The following CCAR1 variants were observed in gnomAD, a reference collection of about 807,000 sequenced individuals.
CCAR1 encodes cell division cycle and apoptosis regulator protein 1.
CCAR1 carries 78 observed loss-of-function variants against 163.8 expected under a neutral mutation model. That is an observed-to-expected ratio of 0.48 (90% confidence interval 0.40 to 0.57). CCAR1 has a LOEUF of 0.57. Among genes scored for constraint, CCAR1 ranks in the 20% least tolerant of loss-of-function variants. The probability of loss-of-function intolerance (pLI) is 0.00; values close to 1 mark genes in which losing one functional copy is unlikely to be tolerated. For missense variants in CCAR1, 1,019 were observed against 1,365.2 expected (o/e 0.75, Z 4.00); for synonymous variants, 443 against 460.7 (o/e 0.96, Z 0.49).
intron 21 of CCAR1, 138 bp from the exon 22 acceptor site, chr10:68,787,788 TC>T (rs2056812145): frequency 1.4e-6 from 1 of 702,916 alleles, no homozygotes; most frequent in Admixed American, 3.2e-5. Context: ...TGAGTCGAGA[TC>T]ACACCACTGC....
At chr10:68,757,436 A>G (rs2056409080) in intron 15 of CCAR1, 59 bp downstream of exon 15, 2 of 948,798 alleles carry the variant, frequency 2.1e-6, no homozygotes, top group Admixed American at 1.8e-5. Flanking sequence ...TCTTTCTGAG[A>G]TGGAGTCTCG....
chr10:68,773,983 C>T (rs2056633073), intron 19 of CCAR1, among the ~76,000 whole-genome samples: 1 of 151,400 alleles, frequency 6.6e-6, no homozygotes, highest in Non-Finnish European at 1.5e-5. Flanking sequence ...ACCTCCGCCT[C>T]CCGGGTTCAA....
At chr10:68,784,552 A>C (rs926745645) in intron 19 of CCAR1, among the ~76,000 whole-genome samples, 5 of 152,142 alleles carry the variant, frequency 3.3e-5, no homozygotes, top group African/African-American at 1.2e-4. Flanking sequence ...TGTGGGTCAG[A>C]TGCTATCAAA....
At chr10:68,733,641 TATA>T (rs996737445) in intron 2 of CCAR1, among the ~76,000 whole-genome samples, 1 of 152,028 alleles carries the variant, frequency 6.6e-6, no homozygotes, top group Non-Finnish European at 1.5e-5. Flanking sequence ...CCATCTCTAT[TATA>T]ATAAGAATTT....
intron 6 of CCAR1, among the ~76,000 whole-genome samples, chr10:68,743,395 A>T (rs189463188): frequency 2.0e-4 from 30 of 151,060 alleles, no homozygotes; most frequent in African/African-American, 7.0e-4. Flanking sequence ...CGAACTCCCG[A>T]CCTCACGATC....
Position 68,749,656 on chromosome 10 carries a change from A to G in CCAR1, c.1089A>G (p.Thr363=), listed in dbSNP as rs756315209. 11 of 1,610,430 alleles carry G rather than the reference A, an allele frequency of 6.8e-6. No homozygotes were observed. The highest frequency in any genetic ancestry group is 6.7e-5 in the East Asian group (3 of 44,816). The change falls in exon 10 of 25, where the codon ACA becomes ACG. Residue 363 remains threonine, a synonymous_variant. Coordinates refer to ENST00000265872, the MANE Select transcript of CCAR1 (RefSeq NM_018237.4). The part of the protein sequence containing the change: ...RRVRRVVPRY[T]VQFSKFSLDC... ...TTCGACGTGTTGTTCCACGTTACAC[A>G]GTTCAGTTTTCAAAGTTTTCTTTAG...
intron 23 of CCAR1, among the ~76,000 whole-genome samples, chr10:68,788,985 T>A (rs2056824896): frequency 6.6e-6 from 1 of 150,938 alleles, no homozygotes; most frequent in Non-Finnish European, 1.5e-5. Context: ...TCTTGGCCCA[T>A]TGCAACCTCC....
chr10:68,777,378 C>A (rs963252789), intron 19 of CCAR1, among the ~76,000 whole-genome samples: 3 of 152,030 alleles, frequency 2.0e-5, no homozygotes, highest in African/African-American at 7.2e-5. Context: ...ATTTTTACTT[C>A]ATAGAAGAAG....
At chr10:68,721,792 C>T (rs2055861508) in intron 1 of CCAR1, 1 of 266,128 alleles carries the variant, frequency 3.8e-6, no homozygotes. Context: ...AGCTCTGGCC[C>T]TTGAGGGTCG....
chr10:68,748,042 C>G (rs1246640554), intron 8 of CCAR1, among the ~76,000 whole-genome samples: 1 of 152,052 alleles, frequency 6.6e-6, no homozygotes, highest in East Asian at 1.9e-4. Context: ...TTAGTAGATA[C>G]AGGGTTTCAC....
chr10:68,768,386 G>A (rs1160006494), intron 17 of CCAR1, among the ~76,000 whole-genome samples: 2 of 151,922 alleles, frequency 1.3e-5, no homozygotes, highest in Non-Finnish European at 2.9e-5. Flanking sequence ...GAGGCAGGTG[G>A]ATCACCTGAG....
At chr10:68,740,975 G>A (rs1223034823) in intron 5 of CCAR1, among the ~76,000 whole-genome samples, 7 of 151,350 alleles carry the variant, frequency 4.6e-5, no homozygotes, top group Non-Finnish European at 8.8e-5. Context: ...GTGCAATGGC[G>A]CAGTCTCGGC....
intron 2 of CCAR1, among the ~76,000 whole-genome samples, chr10:68,725,105 G>A (rs984986310): frequency 6.6e-6 from 1 of 152,000 alleles, no homozygotes; most frequent in Non-Finnish European, 1.5e-5. Flanking sequence ...TTGCGCCATT[G>A]CGCTCTAGCC....
intron 21 of CCAR1, 112 bp downstream of exon 21, chr10:68,786,804 G>T: frequency 1.1e-6 from 1 of 911,480 alleles, no homozygotes; most frequent in Non-Finnish European, 1.6e-6. Context: ...CAATATAAGG[G>T]CCAGGCGTGG....
chr10:68,786,003 T>G (rs1359018472), intron 19 of CCAR1, 133 bp from the exon 20 acceptor site: 1 of 616,490 alleles, frequency 1.6e-6, no homozygotes, highest in Non-Finnish European at 2.9e-6. Context: ...AGTGCAGTGG[T>G]ATAGTCATAG....
Position 68,756,390 on chromosome 10 carries a change from C to T in CCAR1, c.1743C>T (p.Pro581=). Residue 581 remains proline, a synonymous_variant, in exon 14 of 25, where the codon CCC becomes CCT. Transcript: ENST00000265872. This position sits in a 1 kb window ranked among gnomAD's most constrained non-coding sequence, Gnocchi z 5.1. ...TCCCGGATGTTTGGCATTGCCTTCCCACCCGCTCAGAGTGGGAAACCCTCT... is the reference window on the plus strand; with the variant it reads ...TCCCGGATGTTTGGCATTGCCTTCCTACCCGCTCAGAGTGGGAAACCCTCT... ...LFFPDVWHCL[P]TRSEWETLSR... is the part of the protein sequence containing the mutation. 1 of 1,614,054 alleles carries T rather than the reference C, an allele frequency of 6.2e-7. No individual in the cohort carries two copies. Among genetic ancestry groups the T allele is most frequent in the Non-Finnish European group, 8.5e-7 (1 of 1,180,020 alleles).
At chr10:68,745,948 C>T (rs953767747) in intron 6 of CCAR1, among the ~76,000 whole-genome samples, 2 of 151,874 alleles carry the variant, frequency 1.3e-5, no homozygotes, top group Non-Finnish European at 2.9e-5. Flanking sequence ...TCTACTTTTT[C>T]TTATTTTTTT....
At chr10:68,736,278 T>C (rs561616550) in intron 2 of CCAR1, among the ~76,000 whole-genome samples, 98 of 152,316 alleles carry the variant, frequency 6.4e-4, no homozygotes, top group African/African-American at 2.2e-3. Context: ...TCTTGATGTA[T>C]ATATATGTCA....
chr10:68,787,719 C>A, intron 21 of CCAR1: 1 of 408,350 alleles, frequency 2.4e-6, no homozygotes, highest in Non-Finnish European at 4.3e-6. Flanking sequence ...CCTGTAATAC[C>A]AGCTACTCTG....
Sources: gnomAD v4.1 joint callset for allele counts (sites outside exome capture counted in the v4.1 genomes callset) on GRCh38, gnomAD v4.1.1 for gene constraint, Gnocchi (gnomAD v3.1) non-coding constraint, MANE v1.5 for transcripts, NCBI Gene and HGNC (gene_info 2026-07-23, HGNC 2026-07-21) for gene names.